Variants in MMP1 observed in about 807,000 individuals in gnomAD.
The protein encoded by MMP1 is matrix metallopeptidase 1, also known as interstitial collagenase.
In MMP1, 51 loss-of-function variants were observed where a neutral mutation model predicts 49.6. The ratio of observed to expected loss-of-function variants is 1.03; its 90% CI spans 0.82 to 1.30. MMP1 has a LOEUF of 1.30. Ranked by LOEUF, MMP1 falls within the 50% of genes most tolerant of loss-of-function variation. The probability of loss-of-function intolerance (pLI) is 0.00; values close to 1 mark genes in which losing one functional copy is unlikely to be tolerated. For synonymous variants in MMP1, 230 were observed against 196.8 expected (o/e 1.17, Z -1.41); for missense variants, 623 against 568.7 (o/e 1.10, Z -0.97).
rs746410573 is a variant in MMP1, at chr11:102,795,526, A to C, written c.707T>G (p.Met236Arg). ...LSHSTDIGAL[M>R]YPSYTFSGDV... The stretch of plus-strand genomic sequence containing the variant: ...ACCACTGAAGGTGTAGCTAGGGTAC[A>C]TCAAAGCCCCGATATCAGTAGAATG... Residue 236 changes from methionine (M) to arginine (R), a missense_variant, in exon 5 of 10, where the codon ATG (methionine) becomes AGG (arginine). By Grantham distance (91) the Met-to-Arg change is moderately conservative (BLOSUM62 -1). Transcript: ENST00000315274. 7 of 1,614,020 alleles carry C rather than the reference A, an allele frequency of 4.3e-6. No homozygotes were observed. Among genetic ancestry groups the C allele is most frequent in the Non-Finnish European group, 5.9e-6 (7 of 1,180,032 alleles).
chr11:102,792,504 A>G, intron 7 of MMP1, 101 bp downstream of exon 7: 1 of 1,213,344 alleles, frequency 8.2e-7, no homozygotes, highest in Non-Finnish European at 1.1e-6. Context: ...GAGATTTTCA[A>G]AAGTCCCTGG....
intron 6 of MMP1, 94 bp from the exon 7 acceptor site, chr11:102,792,832 T>C (rs1194109165): frequency 2.6e-6 from 3 of 1,153,606 alleles, no homozygotes; most frequent in Non-Finnish European, 3.8e-6. Flanking sequence ...CTGGCACTAG[T>C]GGTGTGCTGG....
chr11:102,790,601 A>T, intron 9 of MMP1, 80 bp from the exon 10 acceptor site: 1 of 1,305,412 alleles, frequency 7.7e-7, no homozygotes, highest in Non-Finnish European at 1.1e-6. Flanking sequence ...AAACCAATTC[A>T]TCTGTGAGCA....
chr11:102,791,551 G>C, intron 7 of MMP1, 56 bp from the exon 8 acceptor site: 1 of 1,581,190 alleles, frequency 6.3e-7, no homozygotes, highest in Non-Finnish European at 8.7e-7. Context: ...TAGGCAGTAA[G>C]TGAATTTTCA....
chr11:102,790,572 T>A (rs1449436825), intron 9 of MMP1, 51 bp from the exon 10 acceptor site: 2 of 1,394,686 alleles, frequency 1.4e-6, no homozygotes, highest in Admixed American at 3.7e-5. Flanking sequence ...AGTTTCTAGG[T>A]TTAACTTGAA....
chr11:102,797,965 G>A, intron 1 of MMP1, 23 bp downstream of exon 1: 5 of 1,510,496 alleles, frequency 3.3e-6, no homozygotes, highest in Non-Finnish European at 3.7e-6. Flanking sequence ...TTACATTATT[G>A]TCACATGCAA....
At chr11:102,791,984 A>G (rs1192999127) in intron 7 of MMP1, among the ~76,000 whole-genome samples, 1 of 152,204 alleles carries the variant, frequency 6.6e-6, no homozygotes, top group Admixed American at 6.5e-5. Flanking sequence ...CTGTGTCCAG[A>G]TTCCGTGTTT....
rs958572567 is a variant in MMP1 at position 102,794,250 on chromosome 11, C to T, written c.899+924G>A. ...AGTGCCCTGAATTCTAGGAGAGATGCGACTACAGAGTAGTAAAACAGTGCC... is the reference window on the plus strand; with the variant it reads ...AGTGCCCTGAATTCTAGGAGAGATGTGACTACAGAGTAGTAAAACAGTGCC... On this transcript the variant is annotated intron_variant, in intron 6 of 9. Coordinates refer to ENST00000315274, the MANE Select transcript of MMP1 (RefSeq NM_002421.4). The surrounding 1 kb of genome is among the most constrained non-coding windows in gnomAD (Gnocchi z 4.3). Among the ~76,000 whole-genome samples, 6 of 152,152 alleles carry T rather than the reference C, an allele frequency of 3.9e-5. No homozygotes were observed. Among genetic ancestry groups the T allele is most frequent in the Admixed American group, 1.3e-4 (2 of 15,268 alleles).
At chr11:102,791,297 A>G in intron 8 of MMP1, 36 bp downstream of exon 8, 3 of 1,611,684 alleles carry the variant, frequency 1.9e-6, no homozygotes, top group Non-Finnish European at 1.7e-6. Flanking sequence ...ATGTAGAAAG[A>G]ACTGAGGCCC....
Position 102,794,053 on chromosome 11 carries a change from C to G in MMP1, c.899+1121G>C, listed in dbSNP as rs1418013238. 6.6e-6 allele frequency among the ~76,000 whole-genome samples: 1 copy of G among 152,174 alleles called. No homozygotes were observed. Among genetic ancestry groups the G allele is most frequent in the Admixed American group, 6.5e-5 (1 of 15,272 alleles). The stretch of plus-strand genomic sequence containing the variant: ...GGCAAATCCTCAAATTGGTCCTGTT[C>G]CATCTAGTAATATTTGGTTTGATAG... On this transcript the variant is annotated intron_variant, in intron 6 of 9. Transcript: ENST00000315274. The surrounding 1 kb of genome is among the most constrained non-coding windows in gnomAD (Gnocchi z 4.3).
In MMP1 at chr11:102,797,466, T is replaced by C. The variant is rs1452209903; in HGVS notation, c.140A>G (p.Asp47Gly). The change falls in exon 2 of 10, where the codon GAT (aspartate) becomes GGT (glycine). Residue 47 changes from aspartate (D) to glycine (G), a missense_variant. Physicochemically the swap from Asp to Gly is moderately conservative, Grantham distance 94. Coordinates refer to ENST00000315274, the MANE Select transcript of MMP1 (RefSeq NM_002421.4). ...YLEKYYNLKN[D>G]GRQVEKRRNS... ...TCTCCGCTTTTCAACTTGCCTCCCA[T>C]CATTCTTCAGGTTGTAGTATTTTTC... is the stretch of plus-strand genomic sequence containing the variant. The C allele has an allele frequency of 6.2e-7, 1 of 1,614,196 alleles. No homozygotes were observed. The highest frequency in any genetic ancestry group is 2.2e-5 in the East Asian group (1 of 44,892).
At chr11:102,792,165 G>A (rs762403065) in intron 7 of MMP1, among the ~76,000 whole-genome samples, 11 of 152,146 alleles carry the variant, frequency 7.2e-5, no homozygotes, top group Non-Finnish European at 1.2e-4. Flanking sequence ...GTTTCAAAGC[G>A]TTTGGCCCAT....
chr11:102,796,375 G>A (rs1455607852), intron 4 of MMP1, among the ~76,000 whole-genome samples: 1 of 152,094 alleles, frequency 6.6e-6, no homozygotes, highest in African/African-American at 2.4e-5. Context: ...AAATTTCACT[G>A]TTTTCTTCTA....
chr11:102,796,888 C>T, intron 3 of MMP1, 99 bp from the exon 4 acceptor site: 1 of 1,538,158 alleles, frequency 6.5e-7, no homozygotes, highest in East Asian at 2.3e-5. Flanking sequence ...AGACTTCCAT[C>T]AACTGTGATG....
intron 7 of MMP1, 75 bp from the exon 8 acceptor site, chr11:102,791,570 C>T: frequency 6.5e-7 from 1 of 1,529,234 alleles, no homozygotes; most frequent in East Asian, 2.3e-5. Context: ...CAGCTAAGTT[C>T]TTAGTTTCAC....
Position 102,794,172 on chromosome 11 carries a change from G to A in MMP1, c.899+1002C>T, listed in dbSNP as rs1403037844. 1.3e-5 allele frequency among the ~76,000 whole-genome samples: 2 copies of A among 152,112 alleles called. No homozygotes were observed. Among genetic ancestry groups the A allele is most frequent in the Non-Finnish European group, 2.9e-5 (2 of 68,018 alleles). On this transcript the variant is annotated intron_variant, in intron 6 of 9. Transcript: ENST00000315274. This position sits in a 1 kb window ranked among gnomAD's most constrained non-coding sequence, Gnocchi z 4.3. ...CCACACCCTGTATAGTTTACCTCCA[G>A]CCTTATCTTTTACACTTAAAAAGTA... is the stretch of plus-strand genomic sequence containing the variant.
In MMP1 at chr11:102,797,045, T is replaced by C; in HGVS notation, c.468A>G (p.Gln156=). 6.2e-7 allele frequency: 1 copy of C among 1,614,156 alleles called. No individual in the cohort carries two copies. The highest frequency in any genetic ancestry group is 8.5e-7 in the Non-Finnish European group (1 of 1,180,008). The stretch of plus-strand genomic sequence containing the variant: ...TGACAAAAGATATCATGATGTCTGC[T>C]TGACCCTCAGAGACCTTGGTGAATG... ...PLTFTKVSEG[Q]ADIMISFVRG... The change falls in exon 3 of 10, where the codon CAA becomes CAG. Residue 156 remains glutamine, a synonymous_variant. Transcript: ENST00000315274.
Position 102,795,169 on chromosome 11 carries a change from C to G in MMP1, c.899+5G>C, listed in dbSNP as rs528509173. 6.3e-7 allele frequency: 1 copy of G among 1,597,656 alleles called. No homozygotes were observed. The highest frequency in any genetic ancestry group is 1.3e-5 in the African/African-American group (1 of 74,542). On this transcript the variant is annotated splice_donor_5th_base_variant and intron_variant, in intron 6 of 9. Transcript: ENST00000315274. ...GCAGATCACAAAGAAGAACTGACAT[C>G]TTACCTGTCTTTAAAGAACATCACT...
rs1030936321 is a variant in MMP1 at position 102,794,540 on chromosome 11, G to A, written c.899+634C>T. Among the ~76,000 whole-genome samples, 1 of 152,188 alleles carries A rather than the reference G, an allele frequency of 6.6e-6. No homozygotes were observed. Among genetic ancestry groups the A allele is most frequent in the African/African-American group, 2.4e-5 (1 of 41,450 alleles). ...TCTTCTTTGAAGAGGGAAGCACCAT[G>A]TTGTGGCTGCCCCTATCTGTCCCAG... On this transcript the variant is annotated intron_variant, in intron 6 of 9. Transcript: ENST00000315274. The surrounding 1 kb of genome is among the most constrained non-coding windows in gnomAD (Gnocchi z 4.3).
Sources: gnomAD v4.1 joint callset for allele counts (sites outside exome capture counted in the v4.1 genomes callset) on GRCh38, gnomAD v4.1.1 for gene constraint, Gnocchi (gnomAD v3.1) non-coding constraint, MANE v1.5 for transcripts, NCBI Gene and HGNC (gene_info 2026-07-23, HGNC 2026-07-21) for gene names.